Variants in GANC observed in about 807,000 individuals in gnomAD.
GANC encodes glucosidase alpha, neutral C.
GANC carries 117 observed loss-of-function variants against 124.2 expected under a neutral mutation model. The observed-to-expected ratio is 0.94, with a 90% CI of 0.81 to 1.10. The LOEUF (loss-of-function observed/expected upper bound fraction) is 1.10. Ranked by LOEUF, GANC falls within the 50% of genes least tolerant of loss-of-function variation. The probability of loss-of-function intolerance (pLI) is 0.00; values close to 1 mark genes in which losing one functional copy is unlikely to be tolerated. For synonymous variants in GANC, 377 were observed against 376.8 expected (o/e 1.00, Z -0.01); for missense variants, 1,140 against 1,095.0 (o/e 1.04, Z -0.58).
intron 15 of GANC, 48 bp from the exon 16 acceptor site, chr15:42,338,340 AC>A: frequency 7.7e-7 from 1 of 1,292,276 alleles, no homozygotes; most frequent in Middle Eastern, 1.8e-4. Context: ...AGGAAATTGA[AC>A]GCATGGGTTG....
At chr15:42,297,188 G>A (rs1566952119) in intron 5 of GANC, among the ~76,000 whole-genome samples, 4 of 151,916 alleles carry the variant, frequency 2.6e-5, no homozygotes, top group African/African-American at 4.8e-5. Flanking sequence ...GAAATATTAT[G>A]AGCATGTTTA....
chr15:42,326,142 TTTTTTG>T (rs1253879894), intron 11 of GANC, among the ~76,000 whole-genome samples, 150 bp from the exon 12 acceptor site: 1 of 152,246 alleles, frequency 6.6e-6, no homozygotes, highest in Non-Finnish European at 1.5e-5. Flanking sequence ...GAAATATTTA[TTTTTTG>T]TTTTTGTTTT....
chr15:42,275,882 ATCTTCC>A (rs926133100), intron 1 of GANC, among the ~76,000 whole-genome samples: 26 of 152,204 alleles, frequency 1.7e-4, no homozygotes, highest in African/African-American at 6.3e-4. Flanking sequence ...CACAGTTCAT[ATCTTCC>A]TCAGAGCCCA....
At chr15:42,334,656 A>G (rs1027250879) in intron 15 of GANC, among the ~76,000 whole-genome samples, 4 of 152,328 alleles carry the variant, frequency 2.6e-5, no homozygotes, top group Non-Finnish European at 4.4e-5. Flanking sequence ...ATATACATAT[A>G]CAGATATATC....
chr15:42,351,426 T>A lies in GANC; in HGVS notation c.2629T>A (p.Ser877Thr). 1.9e-6 allele frequency: 3 copies of A among 1,609,748 alleles called. No individual in the cohort carries two copies. The highest frequency in any genetic ancestry group is 2.2e-5 in the South Asian group (2 of 90,974). ...RKEPSSVTTH[S>T]SDGKDQPVAF... ...GGAGCCATCTTCTGTGACTACCCAC[T>A]CATCTGGTGAGAAAGCAGTCCATTC... The change falls in exon 23 of 24, where the codon TCA (serine) becomes ACA (threonine). Residue 877 changes from serine to threonine, a missense_variant. Transcript: ENST00000318010.
intron 11 of GANC, among the ~76,000 whole-genome samples, 169 bp downstream of exon 11, chr15:42,322,189 A>C (rs1237004347): frequency 6.6e-6 from 1 of 152,230 alleles, no homozygotes; most frequent in Non-Finnish European, 1.5e-5. Flanking sequence ...AATGGTAAAA[A>C]GGTGATGACC....
rs143635156 is a variant in GANC, at chr15:42,303,331, G to T, written c.559-3215G>T. Among the ~76,000 whole-genome samples the T allele has an allele frequency of 6.2e-3, 944 of 152,282 alleles. 9 individuals are homozygous for T. Among genetic ancestry groups the T allele is most frequent in the Non-Finnish European group, 0.011 (732 of 68,016 alleles). ...GAGAGATTTTGTCACCACCAGGCCT[G>T]CCTTGCAAGAGGTCCTGAAGGAAGC... On this transcript the variant is annotated intron_variant, in intron 6 of 23. Transcript: ENST00000318010.
rs2051998901 is a variant in GANC at position 42,306,615 on chromosome 15, A to G, written c.625+3A>G. 6.3e-7 allele frequency: 1 copy of G among 1,594,652 alleles called. No homozygotes were observed. The highest frequency in any genetic ancestry group is 1.1e-5 in the South Asian group (1 of 90,608). On this transcript the variant is annotated splice_donor_region_variant and intron_variant, in intron 7 of 23. Transcript: ENST00000318010. ...ATTTGTGGATATCAAAGCTAATGGT[A>G]AAATTGAAACTGGTATAGTATTAAA...
At chr15:42,348,288 A>G in intron 21 of GANC, 72 bp downstream of exon 21, 2 of 896,114 alleles carry the variant, frequency 2.2e-6, no homozygotes, top group South Asian at 1.5e-5. Flanking sequence ...AGTGTGTGAC[A>G]CTACGTAAAA....
intron 21 of GANC, 67 bp downstream of exon 21, chr15:42,348,283 G>T (rs2052385200): frequency 2.2e-6 from 2 of 912,770 alleles, no homozygotes; most frequent in Middle Eastern, 2.2e-4. Context: ...TTTTGAGTGT[G>T]TGACACTACG....
intron 10 of GANC, among the ~76,000 whole-genome samples, chr15:42,313,519 G>T (rs2412695): frequency 0.92 from 139,987 of 152,104 alleles, 65,466 homozygotes; most frequent in Non-Finnish European, 1. Context: ...ATGAAGAACT[G>T]TCTACCACTG....
At position 42,353,469 on chromosome 15, in the gene GANC, T is replaced by A. The variant is rs932483175; in HGVS notation, c.*1330T>A. On this transcript the variant is annotated 3_prime_UTR_variant, in exon 24 of 24. Transcript: ENST00000318010. ...AATGCTGTCCCACTTATAACTGTGC[T>A]CTACTTAGCATTCTCAGGGATCATA... The A allele has an allele frequency of 3.2e-6, 3 of 928,654 alleles. No individual in the cohort carries two copies. The highest frequency in any genetic ancestry group is 3.9e-6 in the Non-Finnish European group (3 of 778,566). 57.5% of individuals were successfully genotyped at this position (928,654 alleles called of 1,614,324 possible).
chr15:42,310,932 A>G (rs774741244), intron 10 of GANC, 86 bp downstream of exon 10: 28 of 1,426,654 alleles, frequency 2.0e-5, no homozygotes, highest in Non-Finnish European at 2.6e-5. Flanking sequence ...TATTTGTTGT[A>G]TACTATGTAG....
At chr15:42,283,178 G>A (rs944748921) in intron 3 of GANC, among the ~76,000 whole-genome samples, 3 of 152,228 alleles carry the variant, frequency 2.0e-5, no homozygotes, top group African/African-American at 7.2e-5. Context: ...GTGTGTTGTT[G>A]CAAGGTCGGA....
intron 11 of GANC, among the ~76,000 whole-genome samples, chr15:42,322,600 G>C (rs1233545605): frequency 4.6e-5 from 7 of 152,130 alleles, no homozygotes; most frequent in Admixed American, 4.6e-4. Context: ...GTCCAGATAC[G>C]GGCCGAAGGG....
In GANC at chr15:42,348,166, G is replaced by A; in HGVS notation, c.2368G>A (p.Gly790Ser). The A allele has an allele frequency of 2.5e-6, 4 of 1,612,820 alleles. No homozygotes were observed. Among genetic ancestry groups the A allele is most frequent in the Non-Finnish European group, 3.4e-6 (4 of 1,179,598 alleles). Reference protein sequence around the residue: ...PIKTTVGKSTGWMTESSYGLR... With the variant: ...PIKTTVGKSTSWMTESSYGLR... ...AAAGACAACTGTAGGAAAATCCACAGGCTGGATGACTGAATCCTCCTATGG... is the reference window on the plus strand; with the variant it reads ...AAAGACAACTGTAGGAAAATCCACAAGCTGGATGACTGAATCCTCCTATGG... The change falls in exon 21 of 24, where the codon GGC becomes AGC. Residue 790 changes from glycine (G) to serine (S), a missense_variant. Transcript: ENST00000318010.
intron 23 of GANC, 95 bp from the exon 24 acceptor site, chr15:42,351,935 A>G: frequency 2.0e-6 from 3 of 1,497,034 alleles, no homozygotes; most frequent in Non-Finnish European, 2.7e-6. Context: ...ATAAGGTTTT[A>G]TGATACAGTG....
At chr15:42,291,585 T>A (rs1255803424) in intron 4 of GANC, among the ~76,000 whole-genome samples, 1 of 152,150 alleles carries the variant, frequency 6.6e-6, no homozygotes, top group South Asian at 2.1e-4. Flanking sequence ...ATCTTCCTTT[T>A]GTGGGCTGGA....
chr15:42,292,870 C>T lies in GANC; in HGVS notation c.465C>T (p.Ser155=), dbSNP rs761291968. ...SEEEVVISIN[S]LGQLYFEHLQ... is the part of the protein sequence containing the mutation. ...AAGAGGTTGTGATTAGCATAAATTC[C>T]CTGGGCCAATTATACTTTGAGCATC... The change falls in exon 5 of 24, where the codon TCC becomes TCT. Residue 155 remains serine, a synonymous_variant. Coordinates refer to ENST00000318010, the MANE Select transcript of GANC (RefSeq NM_198141.3). 1 of 1,614,038 alleles carries T rather than the reference C, an allele frequency of 6.2e-7. No individual in the cohort carries two copies. The highest frequency in any genetic ancestry group is 8.5e-7 in the Non-Finnish European group (1 of 1,179,972).
Sources: allele counts gnomAD v4.1 joint callset (sites outside exome capture counted in the v4.1 genomes callset), GRCh38; gene constraint gnomAD v4.1.1; transcripts MANE v1.5; gene names NCBI Gene and HGNC (gene_info 2026-07-23, HGNC 2026-07-21).